Variants in TCF24 observed in about 807,000 individuals in gnomAD.
TCF24 encodes transcription factor 24.
Under a neutral mutation model 9.3 loss-of-function variants are expected in TCF24, and 5 were observed. The ratio of observed to expected loss-of-function variants is 0.54; its 90% confidence interval spans 0.28 to 1.13. TCF24 has a LOEUF of 1.13. Among genes scored for constraint, TCF24 ranks in the 50% most tolerant of loss-of-function variants. The probability of loss-of-function intolerance (pLI) is 0.09; values close to 1 mark genes in which losing one functional copy is unlikely to be tolerated. For missense variants in TCF24, 220 were observed against 236.1 expected, an observed-to-expected ratio of 0.93 and a Z score of 0.45; for synonymous variants, 110 against 115.8, an observed-to-expected ratio of 0.95 and a Z score of 0.32.
At chr8:66,953,286 G>T (rs1403480965) in intron 3 of TCF24, among the ~76,000 whole-genome samples, 1 of 151,256 alleles carries the variant, frequency 6.6e-6, no homozygotes. Flanking sequence ...TTTAGGGCGG[G>T]CCTGGTGGTG....
chr8:66,955,718 G>GT (rs1197581937), intron 3 of TCF24, among the ~76,000 whole-genome samples: 1 of 152,164 alleles, frequency 6.6e-6, no homozygotes, highest in Non-Finnish European at 1.5e-5. Context: ...TATTACTTCT[G>GT]TTACAGAGTT....
At position 66,947,898 on chromosome 8, in the gene TCF24, C is replaced by T. The variant is rs1037869639; in HGVS notation, c.*153G>A. The T allele has an allele frequency of 9.2e-6, 5 of 544,512 alleles. No homozygotes were observed. The highest frequency in any genetic ancestry group is 3.6e-5 in the Admixed American group (1 of 28,058). 33.7% of individuals were successfully genotyped at this position (544,512 alleles called of 1,614,324 possible). On this transcript the variant is annotated 3_prime_UTR_variant, in exon 4 of 4. Coordinates refer to ENST00000563496, the MANE Select transcript of TCF24 (RefSeq NM_001193502.2). The stretch of plus-strand genomic sequence containing the variant: ...TTTATATAACACTGATTATTTCATT[C>T]CACATTTAGACAGATAAACCTGAAC...
chr8:66,952,455 A>C (rs1814074755), intron 3 of TCF24, among the ~76,000 whole-genome samples: 1 of 139,908 alleles, frequency 7.1e-6, no homozygotes. Context: ...CTGTGGTCTG[A>C]GAGATAGTTT....
intron 3 of TCF24, among the ~76,000 whole-genome samples, chr8:66,950,887 CTGTT>C (rs1563405396): frequency 2.0e-5 from 3 of 150,652 alleles, no homozygotes; most frequent in East Asian, 3.9e-4. Context: ...ATTTGGCTCT[CTGTT>C]TGTCTGCTGT....
At chr8:66,958,964 A>T (rs1216416112) in intron 3 of TCF24, among the ~76,000 whole-genome samples, 1 of 152,134 alleles carries the variant, frequency 6.6e-6, no homozygotes, top group Admixed American at 6.5e-5. Context: ...TTCCAGTTTC[A>T]TTTGAGATGT....
rs903496143 is a variant in TCF24 at position 66,946,910 on chromosome 8, A to T, written c.*1141T>A. 2.6e-5 allele frequency: 4 copies of T among 152,202 alleles called. No individual in the cohort carries two copies. The highest frequency in any genetic ancestry group is 6.6e-5 in the Admixed American group (1 of 15,266). 9.4% of individuals were successfully genotyped at this position (152,202 alleles called of 1,614,324 possible). A position where few individuals can be genotyped will look rare whatever the true frequency, so the allele number is the denominator to read the frequency against. ...TTCTGAAATTCTTGCTGTTAAATTT[A>T]GTGTTTACAATTCAGTTTGAGGTAA... On this transcript the variant is annotated 3_prime_UTR_variant, in exon 4 of 4. Coordinates refer to ENST00000563496, the MANE Select transcript of TCF24 (RefSeq NM_001193502.2).
In TCF24 at chr8:66,961,476, T is replaced by A; in HGVS notation, c.290A>T (p.Tyr97Phe). Residue 97 changes from tyrosine (Y) to phenylalanine (F), a missense_variant, in exon 3 of 4, where the codon TAC becomes TTC. By Grantham distance (22) the Tyr-to-Phe change is conservative. Coordinates refer to ENST00000563496, the MANE Select transcript of TCF24 (RefSeq NM_001193502.2). ...CAGGCTGCGGGTGAGATGCGCGATG[T>A]AGGTGGTGGCCAGCAGCAGCACGTC... ...KLDVLLLATT[Y>F]IAHLTRSLQD... The A allele has an allele frequency of 6.5e-7, 1 of 1,527,888 alleles. No individual in the cohort carries two copies. The highest frequency in any genetic ancestry group is 1.2e-5 in the South Asian group (1 of 83,044). The allele number at this position is 1,527,888 out of a possible 1,614,324, so 94.6% of individuals were successfully genotyped here. A position where few individuals can be genotyped will look rare whatever the true frequency, so the allele number is the denominator to read the frequency against.
intron 3 of TCF24, 129 bp from the exon 4 acceptor site, chr8:66,948,293 A>G: frequency 1.7e-6 from 1 of 578,120 alleles, no homozygotes; most frequent in Non-Finnish European, 2.7e-6. Flanking sequence ...AACAATTATA[A>G]GTATGAAGTA....
intron 3 of TCF24, among the ~76,000 whole-genome samples, chr8:66,949,486 T>G (rs1188974190): frequency 6.6e-6 from 1 of 152,264 alleles, no homozygotes; most frequent in Non-Finnish European, 1.5e-5. Flanking sequence ...TGACAAATTT[T>G]CTTAATCCAG....
At position 66,961,927 on chromosome 8, in the gene TCF24, G is replaced by C. The variant is rs1045963598; in HGVS notation, c.-74C>G. 2.0e-4 allele frequency: 101 copies of C among 517,276 alleles called. No homozygotes were observed. Among genetic ancestry groups the C allele is most frequent in the African/African-American group, 1.9e-3 (93 of 48,494 alleles). 32.0% of individuals were successfully genotyped at this position (517,276 alleles called of 1,614,324 possible). A position where few individuals can be genotyped will look rare whatever the true frequency, so the allele number is the denominator to read the frequency against. The stretch of plus-strand genomic sequence containing the variant: ...CTCTCAAGCGAGCTCGTTTTGCCTG[G>C]GACGCGATTTGCTTCCGGACGTCTG... On this transcript the variant is annotated 5_prime_UTR_variant, in exon 2 of 4. Transcript: ENST00000563496.
At chr8:66,956,428 T>A (rs1814153366) in intron 3 of TCF24, among the ~76,000 whole-genome samples, 1 of 152,110 alleles carries the variant, frequency 6.6e-6, no homozygotes, top group Admixed American at 6.5e-5. Flanking sequence ...CAGTGGCAGA[T>A]CTTGGCTCAC....
At chr8:66,953,830 CTTCATTTCA>C (rs1267166908) in intron 3 of TCF24, among the ~76,000 whole-genome samples, 1 of 151,974 alleles carries the variant, frequency 6.6e-6, no homozygotes, top group African/African-American at 2.4e-5. Context: ...TCCCTTCTCG[CTTCATTTCA>C]TTCATTTCAT....
In TCF24 at chr8:66,961,788, G is replaced by A. The variant is rs558842618; in HGVS notation, c.-23C>T. ...CATGGCAGCTTCCCGCGCCGCGCGC[G>A]CTGCAAAGGACCGAAGGTGCGGTGA... On this transcript the variant is annotated splice_region_variant and 5_prime_UTR_variant, in exon 3 of 4. Coordinates refer to ENST00000563496, the MANE Select transcript of TCF24 (RefSeq NM_001193502.2). 3 of 1,112,496 alleles carry A rather than the reference G, an allele frequency of 2.7e-6. No individual in the cohort carries two copies. Among genetic ancestry groups the A allele is most frequent in the East Asian group, 9.4e-5 (2 of 21,386 alleles). 68.9% of individuals were successfully genotyped at this position (1,112,496 alleles called of 1,614,324 possible).
At chr8:66,961,012 A>C (rs886686307) in intron 3 of TCF24, among the ~76,000 whole-genome samples, 1 of 152,008 alleles carries the variant, frequency 6.6e-6, no homozygotes, top group African/African-American at 2.4e-5. Flanking sequence ...ATGCTTAAAA[A>C]CTCTCAGAGG....
intron 3 of TCF24, among the ~76,000 whole-genome samples, chr8:66,960,573 T>G (rs1057440484): frequency 6.6e-6 from 1 of 152,094 alleles, no homozygotes; most frequent in African/African-American, 2.4e-5. Flanking sequence ...AAGAGGAGGA[T>G]GATGCAAAAA....
At position 66,948,034 on chromosome 8, in the gene TCF24, C is replaced by T; in HGVS notation, c.*17G>A. 6.7e-7 allele frequency: 1 copy of T among 1,491,916 alleles called. No homozygotes were observed. Among genetic ancestry groups the T allele is most frequent in the Non-Finnish European group, 8.9e-7 (1 of 1,123,634 alleles). The allele number at this position is 1,491,916 out of a possible 1,614,324, so 92.4% of individuals were successfully genotyped here. On this transcript the variant is annotated 3_prime_UTR_variant, in exon 4 of 4. Coordinates refer to ENST00000563496, the MANE Select transcript of TCF24 (RefSeq NM_001193502.2). ...AACAATAGCCACCACTTCTACCAGC[C>T]CCCACCAGGGGAGAGCCTAAGGCTG... is the stretch of plus-strand genomic sequence containing the variant.
chr8:66,955,756 A>T (rs1181913853), intron 3 of TCF24, among the ~76,000 whole-genome samples: 1 of 152,208 alleles, frequency 6.6e-6, no homozygotes, highest in Admixed American at 6.5e-5. Flanking sequence ...GTTAGATCTT[A>T]GATGGAATAA....
chr8:66,956,360 GT>G (rs1814152102), intron 3 of TCF24, among the ~76,000 whole-genome samples: 1 of 151,886 alleles, frequency 6.6e-6, no homozygotes, highest in African/African-American at 2.4e-5. Context: ...AAACTAATGT[GT>G]TTTTTATTTT....
rs1452730841 is a variant in TCF24, at chr8:66,947,561, T to C, written c.*490A>G. ...GAGGGAAAAGTAACTACTTATTGAATTTATTGCATCTTCATATTACTGCAA... is the reference window on the plus strand; with the variant it reads ...GAGGGAAAAGTAACTACTTATTGAACTTATTGCATCTTCATATTACTGCAA... On this transcript the variant is annotated 3_prime_UTR_variant, in exon 4 of 4. Coordinates refer to ENST00000563496, the MANE Select transcript of TCF24 (RefSeq NM_001193502.2). 6.6e-6 allele frequency: 1 copy of C among 152,278 alleles called. No homozygotes were observed. Among genetic ancestry groups the C allele is most frequent in the East Asian group, 1.9e-4 (1 of 5,198 alleles). 9.4% of individuals were successfully genotyped at this position (152,278 alleles called of 1,614,324 possible).
Sources: gnomAD v4.1 joint callset for allele counts (sites outside exome capture counted in the v4.1 genomes callset) on GRCh38, gnomAD v4.1.1 for gene constraint, MANE v1.5 for transcripts, NCBI Gene and HGNC (gene_info 2026-07-23, HGNC 2026-07-21) for gene names.